The following ZC3H11A variants were observed in gnomAD, a reference collection of about 807,000 sequenced individuals.
ZC3H11A encodes zinc finger CCCH-type containing 11A.
Under a neutral mutation model 90.8 loss-of-function variants are expected in ZC3H11A, and 22 were observed. The observed-to-expected ratio is 0.24, with a 90% CI of 0.17 to 0.35. The LOEUF (loss-of-function observed/expected upper bound fraction) is 0.35. Ranked by LOEUF, ZC3H11A falls within the 10% of genes least tolerant of loss-of-function variation. The pLI is 1.00. For synonymous variants in ZC3H11A, 294 were observed against 339.8 expected, an observed-to-expected ratio of 0.87 and a Z score of 1.48; for missense variants, 701 against 964.9, an observed-to-expected ratio of 0.73 and a Z score of 3.62.
At chr1:203,842,605 G>A (rs1419080383) in intron 12 of ZC3H11A, among the ~76,000 whole-genome samples, 1 of 148,544 alleles carries the variant, frequency 6.7e-6, no homozygotes, top group East Asian at 1.9e-4. Context: ...ACCGGGGAGA[G>A]GGGGAGGGGG....
rs1452634018 is a variant in ZC3H11A at position 203,847,015 on chromosome 1, AG to A, written c.1043-168del. On this transcript the variant is annotated intron_variant, in intron 12 of 17. Coordinates refer to ENST00000367210, the MANE Select transcript of ZC3H11A (RefSeq NM_001376342.1). ...GTGAGACTCTGTCTTAAAAAAAAAA[AG>A]AAAAAGAAAAAAAGGAAAAGAAATA... Among the ~76,000 whole-genome samples the A allele has an allele frequency of 6.6e-5, 10 of 151,528 alleles. No individual in the cohort carries two copies. In the East Asian group the frequency reaches 1.8e-3, roughly 27 times the overall value.
intron 15 of ZC3H11A, 30 bp from the exon 16 acceptor site, chr1:203,850,484 CT>C: frequency 6.2e-7 from 1 of 1,613,472 alleles, no homozygotes; most frequent in Non-Finnish European, 8.5e-7. Context: ...TCTATTCTCA[CT>C]GCTTATCAGA....
chr1:203,815,051 A>C (rs1675794388), intron 2 of ZC3H11A: 1 of 151,560 alleles, frequency 6.6e-6, no homozygotes. Context: ...GCTGTTCTCA[A>C]ACTCCTGACC....
chr1:203,804,182 C>T (rs536024800), intron 2 of ZC3H11A, among the ~76,000 whole-genome samples: 145 of 141,966 alleles, frequency 1.0e-3, no homozygotes, highest in Non-Finnish European at 1.5e-3. Flanking sequence ...GACAGAGTCT[C>T]GCTCTGTCGC....
intron 14 of ZC3H11A, 149 bp from the exon 15 acceptor site, chr1:203,849,562 A>G (rs977585120): frequency 5.3e-6 from 4 of 757,140 alleles, no homozygotes; most frequent in South Asian, 5.2e-5. Flanking sequence ...TTAACAGGGT[A>G]TTGTCTATTT....
At chr1:203,827,444 G>A (rs1680897887) in intron 4 of ZC3H11A, among the ~76,000 whole-genome samples, 1 of 151,646 alleles carries the variant, frequency 6.6e-6, no homozygotes, top group Non-Finnish European at 1.5e-5. Context: ...ACTTTGGGAG[G>A]CTGAGGCGGG....
intron 16 of ZC3H11A, 72 bp from the exon 17 acceptor site, chr1:203,850,985 G>T: frequency 6.5e-7 from 1 of 1,539,020 alleles, no homozygotes; most frequent in Non-Finnish European, 8.9e-7. Flanking sequence ...TAAGAAGGCA[G>T]CAAAAGAAAA....
Position 203,850,619 on chromosome 1 carries a change from G to C in ZC3H11A, c.2044G>C (p.Ala682Pro), listed in dbSNP as rs764689623. ...GGAGATGCACGCTGCTGTCATTGCC[G>C]CTGTGAAGCCACTCAGCTCCAGCAG... ...AVEMHAAVIA[A>P]VKPLSSSSVL... Residue 682 changes from alanine (A) to proline (P), a missense_variant, in exon 16 of 18, where the codon GCT (alanine) becomes CCT (proline). By Grantham distance (27) the Ala-to-Pro change is conservative. Coordinates refer to ENST00000367210, the MANE Select transcript of ZC3H11A (RefSeq NM_001376342.1). 11 of 1,613,988 alleles carry C rather than the reference G, an allele frequency of 6.8e-6. No individual in the cohort carries two copies. Among genetic ancestry groups the C allele is most frequent in the Non-Finnish European group, 9.3e-6 (11 of 1,180,018 alleles).
chr1:203,820,313 C>T (rs1346912817), intron 4 of ZC3H11A, among the ~76,000 whole-genome samples: 1 of 151,800 alleles, frequency 6.6e-6, no homozygotes, highest in African/African-American at 2.4e-5. Flanking sequence ...CTGTTGAGAG[C>T]AGTTGCTCAG....
At chr1:203,812,990 G>C (rs752435214) in intron 2 of ZC3H11A, among the ~76,000 whole-genome samples, 7 of 152,100 alleles carry the variant, frequency 4.6e-5, no homozygotes, top group Non-Finnish European at 1.0e-4. Context: ...TGAGGTACCT[G>C]TTCAGATCTT....
Position 203,844,286 on chromosome 1 carries a change from C to T in ZC3H11A, c.1043-2898C>T, listed in dbSNP as rs79115610. Among the ~76,000 whole-genome samples, 15 of 152,270 alleles carry T rather than the reference C, an allele frequency of 9.9e-5. 1 individual carries two copies. The East Asian group carries it at 2.9e-3, about 29-fold the overall frequency. On this transcript the variant is annotated intron_variant, in intron 12 of 17. Coordinates refer to ENST00000367210, the MANE Select transcript of ZC3H11A (RefSeq NM_001376342.1). ...AAGCGATTCTCCTGTCTCAGCCTCC[C>T]GAGTAAATGGGATTACAGGCATGTG...
In ZC3H11A at chr1:203,802,714, C is replaced by CTTTTTTTTTTTTTTT. The variant is rs150416242; in HGVS notation, c.-439_-438insTTTTTTTTTTTTTTT. 3 of 131,654 alleles carry CTTTTTTTTTTTTTTT rather than the reference C, an allele frequency of 2.3e-5. No homozygotes were observed. The highest frequency in any genetic ancestry group is 3.3e-5 in the Non-Finnish European group (2 of 60,924). 8.2% of individuals were successfully genotyped at this position (131,654 alleles called of 1,614,324 possible). On this transcript the variant is annotated 5_prime_UTR_variant, in exon 2 of 18. Coordinates refer to ENST00000367210, the MANE Select transcript of ZC3H11A (RefSeq NM_001376342.1). ...TCTCAAGTTCATCTTTAAATGAACT[C>CTTTTTTTTTTTTTTT]TTTTTTTTTGTTTTTTTTTTGTTTT...
At chr1:203,833,681 C>CT in intron 9 of ZC3H11A, 110 bp from the exon 10 acceptor site, 1 of 528,920 alleles carries the variant, frequency 1.9e-6, no homozygotes, top group Non-Finnish European at 2.7e-6. Flanking sequence ...TTTCAAGAGA[C>CT]TTTCTGGGTG....
intron 11 of ZC3H11A, among the ~76,000 whole-genome samples, chr1:203,839,471 CATT>C (rs1160649837): frequency 6.6e-6 from 1 of 151,988 alleles, no homozygotes; most frequent in Admixed American, 6.6e-5. Context: ...TTTTCCTTCT[CATT>C]GTGTTTGGTT....
intron 2 of ZC3H11A, among the ~76,000 whole-genome samples, chr1:203,808,967 A>C (rs1258096102): frequency 6.6e-6 from 1 of 151,820 alleles, no homozygotes; most frequent in Admixed American, 6.6e-5. Flanking sequence ...AGTAGCTGGG[A>C]TTACAGGCAT....
At chr1:203,839,862 A>G (rs1272458857) in intron 11 of ZC3H11A, among the ~76,000 whole-genome samples, 2 of 152,060 alleles carry the variant, frequency 1.3e-5, no homozygotes, top group African/African-American at 4.8e-5. Context: ...GGAGTGCAGT[A>G]GCGCTATCTC....
intron 17 of ZC3H11A, 45 bp downstream of exon 17, chr1:203,851,169 ACT>A (rs1250823831): frequency 1.3e-6 from 2 of 1,568,986 alleles, no homozygotes; most frequent in African/African-American, 2.7e-5. Context: ...GGCCCCTGTT[ACT>A]GTTTAGGCTC....
At chr1:203,812,068 C>T (rs1020312105) in intron 2 of ZC3H11A, among the ~76,000 whole-genome samples, 3 of 152,100 alleles carry the variant, frequency 2.0e-5, no homozygotes, top group Non-Finnish European at 4.4e-5. Context: ...CCACCCACCT[C>T]GGCCTCCCAA....
intron 1 of ZC3H11A, chr1:203,799,076 T>C (rs1203420871): frequency 6.5e-7 from 1 of 1,536,124 alleles, no homozygotes; most frequent in Admixed American, 2.0e-5. Context: ...GGATCCCCGA[T>C]TTTAGAAAGT....
Sources: gnomAD v4.1 joint callset for allele counts (sites outside exome capture counted in the v4.1 genomes callset) on GRCh38, gnomAD v4.1.1 for gene constraint, MANE v1.5 for transcripts, NCBI Gene and HGNC (gene_info 2026-07-23, HGNC 2026-07-21) for gene names.